JPH3: variants seen among roughly 807,000 people sequenced by gnomAD.
JPH3 encodes junctophilin 3, also known as junctophilin-3.
In JPH3, 11 loss-of-function variants were observed where a neutral mutation model predicts 59.6. The observed-to-expected ratio is 0.18, with a 90% CI of 0.12 to 0.31. The LOEUF is 0.31. Ranked by LOEUF, JPH3 falls within the 10% of genes least tolerant of loss-of-function variation. JPH3 has a pLI of 1.00. For synonymous variants in JPH3, 673 were observed against 483.6 expected (o/e 1.39, Z -5.14); for missense variants, 1,202 against 1,105.7 (o/e 1.09, Z -1.24).
intron 1 of JPH3, among the ~76,000 whole-genome samples, chr16:87,627,182 G>A (rs74416713): frequency 0.031 from 4,708 of 152,254 alleles, 249 homozygotes; most frequent in African/African-American, 0.11. Flanking sequence ...CCCTAGAGCC[G>A]TGGCTCAGCT....
chr16:87,603,374 G>T lies in JPH3; in HGVS notation c.228G>T (p.Glu76Asp), dbSNP rs777827242. 6.2e-7 allele frequency: 1 copy of T among 1,609,344 alleles called. No homozygotes were observed. The highest frequency in any genetic ancestry group is 8.5e-7 in the Non-Finnish European group (1 of 1,177,956). The change falls in exon 1 of 5, where the codon GAG becomes GAT. Residue 76 changes from glutamate to aspartate, a missense_variant. By Grantham distance (45) the Glu-to-Asp change is conservative. Transcript: ENST00000284262. ...AQGKRHGIGL[E>D]SKGKWVYKGE... The stretch of plus-strand genomic sequence containing the variant: ...GCAAGCGCCACGGCATCGGCCTGGA[G>T]AGCAAGGGGAAGTGGGTGTACAAGG...
At chr16:87,676,463 C>T (rs974959077) in intron 2 of JPH3, among the ~76,000 whole-genome samples, 2 of 152,140 alleles carry the variant, frequency 1.3e-5, no homozygotes, top group African/African-American at 4.8e-5. Context: ...AGCCGGGGTG[C>T]AGTGGTTCAC....
intron 4 of JPH3, chr16:87,694,517 G>C (rs962550580): frequency 6.6e-6 from 1 of 152,254 alleles, no homozygotes; most frequent in African/African-American, 2.4e-5. Flanking sequence ...CTCCGGGCAA[G>C]GCCGTGACCC....
At chr16:87,637,533 C>T (rs189394791) in intron 1 of JPH3, among the ~76,000 whole-genome samples, 32 of 152,194 alleles carry the variant, frequency 2.1e-4, no homozygotes, top group African/African-American at 6.0e-4. Flanking sequence ...CTCTGACCCC[C>T]GGAGTCATGG....
intron 1 of JPH3, among the ~76,000 whole-genome samples, chr16:87,635,703 T>A (rs532804511): frequency 6.6e-6 from 1 of 152,316 alleles, no homozygotes; most frequent in South Asian, 2.1e-4. Flanking sequence ...ATCCGCTCTC[T>A]GCGAGTCTGT....
intron 1 of JPH3, among the ~76,000 whole-genome samples, chr16:87,629,481 A>C (rs986652708): frequency 1.3e-5 from 2 of 151,806 alleles, no homozygotes; most frequent in African/African-American, 4.8e-5. Context: ...AATTGCCCAA[A>C]GTCGGAAGCA....
intron 2 of JPH3, among the ~76,000 whole-genome samples, chr16:87,652,953 C>G (rs576584360): frequency 6.6e-6 from 1 of 152,342 alleles, no homozygotes; most frequent in South Asian, 2.1e-4. Flanking sequence ...ACCAGGCAGG[C>G]TCTTCTGTCG....
chr16:87,687,148 C>G (rs1002707520), intron 3 of JPH3, among the ~76,000 whole-genome samples: 1 of 152,174 alleles, frequency 6.6e-6, no homozygotes, highest in Admixed American at 6.5e-5. Context: ...GACCAGGCAC[C>G]CCGGGGCCTT....
At chr16:87,622,804 G>A (rs950305184) in intron 1 of JPH3, among the ~76,000 whole-genome samples, 1 of 152,144 alleles carries the variant, frequency 6.6e-6, no homozygotes, top group Non-Finnish European at 1.5e-5. Flanking sequence ...TGGATGGGGA[G>A]CGTGGGCTGG....
intron 1 of JPH3, among the ~76,000 whole-genome samples, chr16:87,642,776 T>TC (rs1943092496): frequency 6.6e-6 from 1 of 152,214 alleles, no homozygotes; most frequent in Non-Finnish European, 1.5e-5. Flanking sequence ...CTGGTTCCAC[T>TC]CTACAGACGA....
intron 3 of JPH3, among the ~76,000 whole-genome samples, chr16:87,687,787 C>G (rs974522247): frequency 3.3e-5 from 5 of 152,188 alleles, no homozygotes; most frequent in Admixed American, 1.3e-4. Flanking sequence ...CCTGGGCCAG[C>G]CAGGCCTGAT....
chr16:87,688,725 T>G (rs2033479709), intron 3 of JPH3, among the ~76,000 whole-genome samples: 1 of 152,098 alleles, frequency 6.6e-6, no homozygotes, highest in Admixed American at 6.5e-5. Context: ...GGGGTCCCAC[T>G]GTTCTGTGCT....
At chr16:87,652,919 G>A (rs1021949548) in intron 2 of JPH3, among the ~76,000 whole-genome samples, 16 of 152,210 alleles carry the variant, frequency 1.1e-4, no homozygotes, top group South Asian at 4.1e-4. Flanking sequence ...ACAGCTAATT[G>A]GTGGCTGCGT....
At position 87,690,352 on chromosome 16, in the gene JPH3, C is replaced by T. The variant is rs1439487593; in HGVS notation, c.1992C>T (p.Asn664=). The T allele has an allele frequency of 1.7e-5, 27 of 1,565,206 alleles. No homozygotes were observed. In the East Asian group the frequency reaches 4.9e-4, roughly 28 times the overall value. The change falls in exon 4 of 5, where the codon AAC becomes AAT. Residue 664 remains asparagine (N), a synonymous_variant. Coordinates refer to ENST00000284262, the MANE Select transcript of JPH3 (RefSeq NM_020655.4). ...RLRSKAQNKE[N]FRPASSAEPA... ...GGTCCAAGGCCCAGAACAAGGAGAA[C>T]TTCAGGCCGGCCTCCTCCGCGGAGC...
intron 2 of JPH3, among the ~76,000 whole-genome samples, chr16:87,662,070 C>G (rs1189899604): frequency 2.0e-5 from 3 of 152,214 alleles, no homozygotes; most frequent in Non-Finnish European, 4.4e-5. Context: ...TACTTGGTTT[C>G]CCTTGTAACC....
At chr16:87,602,487 C>A (rs1332234698), upstream of JPH3, among the ~76,000 whole-genome samples, 2 of 131,396 alleles carry the variant, frequency 1.5e-5, no homozygotes, top group Non-Finnish European at 3.3e-5. Context: ...GGGCGGGGTG[C>A]GGGCGCGCGC....
At chr16:87,620,854 G>A (rs2031159522) in intron 1 of JPH3, among the ~76,000 whole-genome samples, 1 of 152,208 alleles carries the variant, frequency 6.6e-6, no homozygotes. Flanking sequence ...ACTGTTAGGA[G>A]CATTCGAAAG....
In JPH3 at chr16:87,697,814, C is replaced by G. The variant is rs182926972; in HGVS notation, c.*1154C>G. The G allele has an allele frequency of 1.3e-5, 2 of 152,358 alleles. No homozygotes were observed. Among genetic ancestry groups the G allele is most frequent in the Admixed American group, 1.3e-4 (2 of 15,306 alleles). 9.4% of individuals were successfully genotyped at this position (152,358 alleles called of 1,614,324 possible). A position where few individuals can be genotyped will look rare whatever the true frequency, so the allele number is the denominator to read the frequency against. On this transcript the variant is annotated 3_prime_UTR_variant, in exon 5 of 5. Coordinates refer to ENST00000284262, the MANE Select transcript of JPH3 (RefSeq NM_020655.4). ...TTGTTCAGTCCAACAAAAACAGGTT[C>G]CTTATGTTTCTGCCTTCTCCACCAG... is the stretch of plus-strand genomic sequence containing the variant.
chr16:87,651,634 G>C (rs1010513591), intron 2 of JPH3, among the ~76,000 whole-genome samples: 6 of 152,250 alleles, frequency 3.9e-5, no homozygotes, highest in Non-Finnish European at 8.8e-5. Flanking sequence ...CAAGAGAACT[G>C]GAATTAGAAG....
Sources: gnomAD v4.1 joint callset for allele counts (sites outside exome capture counted in the v4.1 genomes callset) on GRCh38, gnomAD v4.1.1 for gene constraint, MANE v1.5 for transcripts, NCBI Gene and HGNC (gene_info 2026-07-23, HGNC 2026-07-21) for gene names.